The following VGLL4 variants were observed in gnomAD, a reference collection of about 807,000 sequenced individuals.
VGLL4 encodes the protein vestigial like family member 4, also known as transcription cofactor vestigial-like protein 4.
Under a neutral mutation model 21.0 loss-of-function variants are expected in VGLL4, and 7 were observed. That is an observed-to-expected ratio of 0.33 (90% confidence interval 0.19 to 0.63). VGLL4 has a LOEUF of 0.63. Ranked by LOEUF, VGLL4 falls within the 20% of genes least tolerant of loss-of-function variation. VGLL4 has a pLI of 0.78. For synonymous variants in VGLL4, 222 were observed against 173.2 expected, an observed-to-expected ratio of 1.28 and a Z score of -2.21; for missense variants, 394 against 425.7, an observed-to-expected ratio of 0.93 and a Z score of 0.66.
chr3:11,654,247 T>C (rs369926128), intron 2 of VGLL4, among the ~76,000 whole-genome samples: 1 of 152,376 alleles, frequency 6.6e-6, no homozygotes, highest in African/African-American at 2.4e-5. Context: ...TCTTAAAATG[T>C]TATTTTTCCT....
intron 1 of VGLL4, among the ~76,000 whole-genome samples, chr3:11,704,383 C>CAAAAAAAAA (rs57593843): frequency 7.8e-4 from 54 of 69,116 alleles, no homozygotes; most frequent in East Asian, 1.9e-3. Context: ...AACTCCGTCT[C>CAAAAAAAAA]AAAAAAAAAA....
At chr3:11,587,294 G>A (rs1324810809) in intron 2 of VGLL4, among the ~76,000 whole-genome samples, 1 of 152,218 alleles carries the variant, frequency 6.6e-6, no homozygotes, top group Non-Finnish European at 1.5e-5. Context: ...CGATGAAGGA[G>A]CTGCATGGCT....
chr3:11,720,947 G>C (rs142556919), upstream of VGLL4, among the ~76,000 whole-genome samples: 207 of 152,322 alleles, frequency 1.4e-3, no homozygotes, highest in African/African-American at 4.8e-3. Flanking sequence ...AGCAACCCTT[G>C]CCCTGTTGTT....
intron 2 of VGLL4, among the ~76,000 whole-genome samples, chr3:11,695,032 C>A (rs1188555502): frequency 6.6e-6 from 1 of 150,654 alleles, no homozygotes; most frequent in African/African-American, 2.4e-5. Context: ...ATTGTACTTA[C>A]GTAAGGGAAT....
intron 2 of VGLL4, among the ~76,000 whole-genome samples, chr3:11,689,818 A>T (rs958809792): frequency 1.3e-5 from 2 of 152,222 alleles, no homozygotes; most frequent in African/African-American, 4.8e-5. Flanking sequence ...GCTTTAAGGT[A>T]TACAAGTAAA....
intron 1 of VGLL4, among the ~76,000 whole-genome samples, chr3:11,636,439 A>G (rs1210572605): frequency 6.6e-6 from 1 of 152,246 alleles, no homozygotes; most frequent in Admixed American, 6.5e-5. Flanking sequence ...ATGGTGCATA[A>G]TGCAGAGTAT....
At chr3:11,685,000 T>C (rs1388747112) in intron 2 of VGLL4, among the ~76,000 whole-genome samples, 1 of 152,134 alleles carries the variant, frequency 6.6e-6, no homozygotes, top group Non-Finnish European at 1.5e-5. Flanking sequence ...CATCCTCAAG[T>C]AGGCCCCAGT....
intron 1 of VGLL4, among the ~76,000 whole-genome samples, chr3:11,613,966 G>C (rs563701977): frequency 1.3e-5 from 2 of 152,164 alleles, no homozygotes; most frequent in African/African-American, 4.8e-5. Context: ...TGGGTGCTCC[G>C]AATCTGCTCC....
At chr3:11,696,615 G>A (rs2076610557) in intron 2 of VGLL4, among the ~76,000 whole-genome samples, 1 of 152,210 alleles carries the variant, frequency 6.6e-6, no homozygotes, top group African/African-American at 2.4e-5. Context: ...CAATGTGTTA[G>A]TGGATCCTAA....
intron 2 of VGLL4, among the ~76,000 whole-genome samples, chr3:11,571,744 T>G (rs1251547300): frequency 2.0e-5 from 3 of 152,218 alleles, no homozygotes; most frequent in African/African-American, 4.8e-5. Flanking sequence ...ATCAACTCCA[T>G]GGACCCGGCA....
intron 2 of VGLL4, among the ~76,000 whole-genome samples, chr3:11,667,070 T>G (rs1413143794): frequency 6.6e-6 from 1 of 152,162 alleles, no homozygotes; most frequent in Non-Finnish European, 1.5e-5. Flanking sequence ...CCAGCAACCA[T>G]CTCTTCAAAG....
chr3:11,663,272 G>A (rs1372510827), intron 2 of VGLL4, among the ~76,000 whole-genome samples: 1 of 152,164 alleles, frequency 6.6e-6, no homozygotes, highest in Non-Finnish European at 1.5e-5. Flanking sequence ...CTTTTTAGCA[G>A]GGCCGGGGAA....
intron 2 of VGLL4, among the ~76,000 whole-genome samples, chr3:11,651,469 T>C (rs1040458151): frequency 1.3e-5 from 2 of 152,078 alleles, no homozygotes; most frequent in African/African-American, 4.8e-5. Context: ...TGCAAATTCC[T>C]TAAAGGCCTA....
At position 11,653,435 on chromosome 3, in the gene VGLL4, G is replaced by A. The variant is rs74655408; in HGVS notation, c.64+49536C>T. 6.1e-3 allele frequency among the ~76,000 whole-genome samples: 930 copies of A among 152,296 alleles called. 14 individuals are homozygous for A. Among genetic ancestry groups the A allele is most frequent in the African/African-American group, 0.021 (884 of 41,560 alleles). On this transcript the variant is annotated intron_variant, in intron 2 of 5. Coordinates refer to the VGLL4 transcript ENST00000273038. This position sits in a 1 kb window ranked among gnomAD's most constrained non-coding sequence, Gnocchi z 4.2. Reference sequence around the variant, plus strand: ...TTCCTTCACTCCACATATTTTATGAGTGGTAGCATTATTTTTATGTGCAGT... The same window carrying A: ...TTCCTTCACTCCACATATTTTATGAATGGTAGCATTATTTTTATGTGCAGT...
chr3:11,700,204 A>G (rs933550010), intron 2 of VGLL4, among the ~76,000 whole-genome samples: 16 of 152,268 alleles, frequency 1.1e-4, no homozygotes, highest in African/African-American at 3.1e-4. Context: ...TAGGCCTCCA[A>G]CTGGAACAGA....
intron 1 of VGLL4, among the ~76,000 whole-genome samples, chr3:11,642,999 TC>T (rs936872368): frequency 6.6e-5 from 10 of 151,918 alleles, no homozygotes; most frequent in Non-Finnish European, 1.3e-4. Flanking sequence ...TAACTTTGGC[TC>T]CCCCTCCGTG....
chr3:11,569,633 CCT>C (rs1432105115), intron 2 of VGLL4, among the ~76,000 whole-genome samples: 20 of 152,358 alleles, frequency 1.3e-4, no homozygotes, highest in Middle Eastern at 6.8e-3. Context: ...GCCCTTTCGT[CCT>C]CTCTCTCCCA....
At chr3:11,604,270 T>TC (rs1453408599) in intron 1 of VGLL4, 8 of 572,228 alleles carry the variant, frequency 1.4e-5, no homozygotes, top group Admixed American at 2.3e-4. Context: ...GGAAGCACGG[T>TC]TTGCCTCATT....
chr3:11,616,948 A>G (rs1050960266), intron 1 of VGLL4, among the ~76,000 whole-genome samples: 1 of 152,256 alleles, frequency 6.6e-6, no homozygotes, highest in Non-Finnish European at 1.5e-5. Flanking sequence ...TTATATCTCA[A>G]TAAAGCTGTT....
Sources: allele counts gnomAD v4.1 joint callset (sites outside exome capture counted in the v4.1 genomes callset), GRCh38; gene constraint gnomAD v4.1.1; non-coding constraint Gnocchi (gnomAD v3.1); transcripts MANE v1.5; gene names NCBI Gene and HGNC (gene_info 2026-07-23, HGNC 2026-07-21).